Variants in TMEM132A observed in about 807,000 individuals in gnomAD.
TMEM132A encodes GRP78-binding protein.
A neutral mutation model predicts 69.9 loss-of-function variants in TMEM132A; 48 were observed. The ratio of observed to expected loss-of-function variants is 0.69; its 90% confidence interval spans 0.55 to 0.87. TMEM132A has a LOEUF of 0.87. Among genes scored for constraint, TMEM132A ranks in the 40% least tolerant of loss-of-function variants. The pLI is 0.00. For synonymous variants in TMEM132A, 577 were observed against 613.7 expected (o/e 0.94, Z 0.88); for missense variants, 1,287 against 1,407.2 (o/e 0.91, Z 1.37).
At position 60,927,827 on chromosome 11, in the gene TMEM132A, G is replaced by T; in HGVS notation, c.502G>T (p.Ala168Ser). Residue 168 changes from alanine (A) to serine (S), a missense_variant, in exon 3 of 11, where the codon GCC becomes TCC. Coordinates refer to ENST00000453848, the MANE Select transcript of TMEM132A (RefSeq NM_178031.3). ...TGCCCGGCTCCATGCCACACACCCT[G>T]CCGGCACTGCTCACCAAGCCTGCCG... is the stretch of plus-strand genomic sequence containing the variant. ...PCARLHATHP[A>S]GTAHQACRFQ... is the part of the protein sequence containing the mutation. 1.2e-6 allele frequency: 2 copies of T among 1,611,692 alleles called. No individual in the cohort carries two copies. The highest frequency in any genetic ancestry group is 8.5e-7 in the Non-Finnish European group (1 of 1,179,818).
At chr11:60,931,655 A>G in intron 5 of TMEM132A, 34 bp from the exon 6 acceptor site, 2 of 1,577,514 alleles carry the variant, frequency 1.3e-6, no homozygotes, top group South Asian at 1.2e-5. Context: ...GCAGCTAGCA[A>G]GCATTTGGCT....
rs747549663 is a variant in TMEM132A at position 60,933,587 on chromosome 11, C to T, written c.1402C>T (p.Arg468Trp). ...DAVFVAGKES[R>W]GARGVRVDFW... Reference sequence around the variant, plus strand: ...CGTGTTCGTGGCTGGCAAGGAGAGCCGGGGCGCCCGGGGGGTGCGAGTGGA... The same window carrying T: ...CGTGTTCGTGGCTGGCAAGGAGAGCTGGGGCGCCCGGGGGGTGCGAGTGGA... The change falls in exon 8 of 11, where the codon CGG becomes TGG. Residue 468 changes from arginine (R) to tryptophan (W), a missense_variant. Physicochemically the swap from Arg to Trp is moderately radical, Grantham distance 101. Coordinates refer to ENST00000453848, the MANE Select transcript of TMEM132A (RefSeq NM_178031.3). 1.0e-5 allele frequency: 16 copies of T among 1,607,478 alleles called. No individual in the cohort carries two copies. Among genetic ancestry groups the T allele is most frequent in the South Asian group, 2.2e-5 (2 of 90,884 alleles).
At position 60,931,720 on chromosome 11, in the gene TMEM132A, G is replaced by A; in HGVS notation, c.1048G>A (p.Asp350Asn). 3 of 1,614,038 alleles carry A rather than the reference G, an allele frequency of 1.9e-6. No homozygotes were observed. The highest frequency in any genetic ancestry group is 2.5e-6 in the Non-Finnish European group (3 of 1,179,930). Residue 350 changes from aspartate (D) to asparagine (N), a missense_variant, in exon 6 of 11, where the codon GAC becomes AAC. Physicochemically the swap from Asp to Asn is conservative, Grantham distance 23. Coordinates refer to ENST00000453848, the MANE Select transcript of TMEM132A (RefSeq NM_178031.3). ...PLELSEFLWV[D>N]FVVENSTGGG... ...TGAACTGTCTGAGTTCCTATGGGTG[G>A]ACTTTGTGGTGGAGAATAGCACTGG...
At position 60,933,746 on chromosome 11, in the gene TMEM132A, TGAGTGGA is replaced by T; in HGVS notation, c.1559+4_1559+10del. Reference sequence around the variant, plus strand: ...GAGGGTACCTGGCCCTGCTGAAGGGTGAGTGGAGGCCTGAGGAAGCTGGCAGGCCTTG... The same window carrying T: ...GAGGGTACCTGGCCCTGCTGAAGGGTGGCCTGAGGAAGCTGGCAGGCCTTG... On this transcript the variant is annotated splice_donor_5th_base_variant and intron_variant, in intron 8 of 10. Coordinates refer to ENST00000453848, the MANE Select transcript of TMEM132A (RefSeq NM_178031.3). The T allele has an allele frequency of 6.4e-7, 1 of 1,564,814 alleles. No individual in the cohort carries two copies. The highest frequency in any genetic ancestry group is 8.6e-7 in the Non-Finnish European group (1 of 1,156,136).
intron 1 of TMEM132A, chr11:60,925,098 C>T: frequency 5.5e-6 from 1 of 183,092 alleles, no homozygotes; most frequent in Non-Finnish European, 1.1e-5. Flanking sequence ...TAGCGCTGCA[C>T]CCTCCTAGCC....
chr11:60,928,956 C>G lies in TMEM132A; in HGVS notation c.862C>G (p.Leu288Val). 2 of 1,612,152 alleles carry G rather than the reference C, an allele frequency of 1.2e-6. No individual in the cohort carries two copies. Among genetic ancestry groups the G allele is most frequent in the Non-Finnish European group, 1.7e-6 (2 of 1,180,002 alleles). ...CAACTTCACAGCCAGCCTCCTGACC[C>G]TGCGGTGAGCACCAGGCCACGGGGA... ...RHNFTASLLT[L>V]RIKVKKGLHV... Residue 288 changes from leucine to valine, a missense_variant, in exon 4 of 11, where the codon CTG becomes GTG. Coordinates refer to ENST00000453848, the MANE Select transcript of TMEM132A (RefSeq NM_178031.3).
At position 60,927,230 on chromosome 11, in the gene TMEM132A, C is replaced by A; in HGVS notation, c.127C>A (p.Pro43Thr). 1 of 1,613,478 alleles carries A rather than the reference C, an allele frequency of 6.2e-7. No homozygotes were observed. Residue 43 changes from proline to threonine, a missense_variant, in exon 2 of 11, where the codon CCT becomes ACT. Physicochemically the swap from Pro to Thr is conservative, Grantham distance 38. Coordinates refer to ENST00000453848, the MANE Select transcript of TMEM132A (RefSeq NM_178031.3). ...GGACTGTGGCCAGGCTCCCCTGGAC[C>A]CTGTCTACCTGCCGGCAGCCCTGGA... ...RVDCGQAPLD[P>T]VYLPAALELL...
At position 60,936,061 on chromosome 11, in the gene TMEM132A, G is replaced by A. The variant is rs770843068; in HGVS notation, c.2226G>A (p.Leu742=). The A allele has an allele frequency of 6.2e-7, 1 of 1,606,042 alleles. No individual in the cohort carries two copies. Among genetic ancestry groups the A allele is most frequent in the East Asian group, 2.2e-5 (1 of 44,758 alleles). ...GAEGLPLHVA[L]HPPEPCRRGR... ...AGGGGCTGCCGCTGCATGTGGCTCT[G>A]CACCCGCCCGAGCCCTGCCGCCGGG... Residue 742 remains leucine, a synonymous_variant, in exon 11 of 11, where the codon CTG becomes CTA. Coordinates refer to ENST00000453848, the MANE Select transcript of TMEM132A (RefSeq NM_178031.3).
intron 4 of TMEM132A, among the ~76,000 whole-genome samples, chr11:60,929,505 G>A (rs1277431871): frequency 9.9e-5 from 15 of 152,094 alleles, no homozygotes; most frequent in Admixed American, 8.5e-4. Flanking sequence ...CAGTTCACCC[G>A]GCAAGGGCTT....
chr11:60,936,704 G>T lies in TMEM132A; in HGVS notation c.2869G>T (p.Gly957Trp). 6.4e-7 allele frequency: 1 copy of T among 1,572,856 alleles called. No homozygotes were observed. Residue 957 changes from glycine (G) to tryptophan (W), a missense_variant, in exon 11 of 11, where the codon GGG becomes TGG. By Grantham distance (184) the Gly-to-Trp change is radical. Transcript: ENST00000453848. ...SSSTLARKEAGGRRKRVEFVT... is the reference protein window; with the variant it reads ...SSSTLARKEAWGRRKRVEFVT... The stretch of plus-strand genomic sequence containing the variant: ...AAGCACCCTGGCCCGAAAGGAGGCT[G>T]GGGGGCGGCGGAAGCGAGTAGAGTT...
Position 60,930,548 on chromosome 11 carries a change from G to A in TMEM132A, c.905G>A (p.Arg302His), listed in dbSNP as rs538143219. 5.7e-6 allele frequency: 9 copies of A among 1,590,726 alleles called. No individual in the cohort carries two copies. Among genetic ancestry groups the A allele is most frequent in the South Asian group, 3.3e-5 (3 of 90,252 alleles). ...AAGGGGCTGCATGTGACAGCCGCCCGCCCAGCCCAGCCCACACTCTGGACT... is the reference window on the plus strand; with the variant it reads ...AAGGGGCTGCATGTGACAGCCGCCCACCCAGCCCAGCCCACACTCTGGACT... ...VKKGLHVTAA[R>H]PAQPTLWTAK... The change falls in exon 5 of 11, where the codon CGC becomes CAC. Residue 302 changes from arginine to histidine, a missense_variant. Physicochemically the swap from Arg to His is conservative, Grantham distance 29 (BLOSUM62 0). Transcript: ENST00000453848.
In TMEM132A at chr11:60,933,950, C is replaced by T. The variant is rs1856536246; in HGVS notation, c.1559+206C>T. On this transcript the variant is annotated intron_variant, in intron 8 of 10. Transcript: ENST00000453848. ...GACTTCCGCATCCCTCTCCTCCTTC[C>T]CTGCCTCACTTCTCCCGTAGCACCC... The T allele has an allele frequency of 1.2e-5, 7 of 585,800 alleles. No homozygotes were observed. The Admixed American group carries it at 1.8e-4, about 15-fold the overall frequency. 36.3% of individuals were successfully genotyped at this position (585,800 alleles called of 1,614,324 possible).
chr11:60,927,509 C>T, intron 2 of TMEM132A, 91 bp downstream of exon 2: 1 of 1,427,942 alleles, frequency 7.0e-7, no homozygotes. Context: ...CCAGCCCCGG[C>T]TGTGCTCCCC....
In TMEM132A at chr11:60,927,668, C is replaced by T. The variant is rs762654207; in HGVS notation, c.343C>T (p.His115Tyr). Residue 115 changes from histidine (H) to tyrosine (Y), a missense_variant, in exon 3 of 11, where the codon CAC becomes TAC. Coordinates refer to ENST00000453848, the MANE Select transcript of TMEM132A (RefSeq NM_178031.3). ...GGTCCCCCCTCGAGTCACTGAGCCCCACCAACGGCCAGTCCCATGGGACGT... is the reference window on the plus strand; with the variant it reads ...GGTCCCCCCTCGAGTCACTGAGCCCTACCAACGGCCAGTCCCATGGGACGT... ...QVVPPRVTEPHQRPVPWDVRA... is the reference protein window; with the variant it reads ...QVVPPRVTEPYQRPVPWDVRA... 3.3e-5 allele frequency: 54 copies of T among 1,612,718 alleles called. No homozygotes were observed. The highest frequency in any genetic ancestry group is 8.3e-5 in the Admixed American group (5 of 60,002).
At chr11:60,932,242 C>T (rs545097745) in intron 7 of TMEM132A, 115 bp downstream of exon 7, 32 of 1,278,660 alleles carry the variant, frequency 2.5e-5, no homozygotes, top group African/African-American at 2.1e-4. Context: ...CTTCTTGAGA[C>T]GAGAAACCTC....
At chr11:60,934,163 G>T in intron 8 of TMEM132A, 2 of 374,622 alleles carry the variant, frequency 5.3e-6, no homozygotes, top group Non-Finnish European at 9.5e-6. Flanking sequence ...CCAGGGAGAG[G>T]TGGCCCACGC....
In TMEM132A at chr11:60,936,080, C is replaced by T. The variant is rs763603158; in HGVS notation, c.2245C>T (p.Arg749Cys). ...HVALHPPEPCRRGRHRVPLAS... is the reference protein window; with the variant it reads ...HVALHPPEPCCRGRHRVPLAS... ...GGCTCTGCACCCGCCCGAGCCCTGC[C>T]GCCGGGGCCGCCACCGTGTGCCTCT... The change falls in exon 11 of 11, where the codon CGC becomes TGC. Residue 749 changes from arginine to cysteine, a missense_variant. By Grantham distance (180) the Arg-to-Cys change is radical. Transcript: ENST00000453848. 14 of 1,608,522 alleles carry T rather than the reference C, an allele frequency of 8.7e-6. No homozygotes were observed. In the Admixed American group the frequency reaches 1.0e-4, roughly 12 times the overall value.
Position 60,934,341 on chromosome 11 carries a change from A to G in TMEM132A, c.1560-147A>G, listed in dbSNP as rs985078884. 9 of 728,936 alleles carry G rather than the reference A, an allele frequency of 1.2e-5. No homozygotes were observed. In the African/African-American group the frequency reaches 1.5e-4, roughly 12 times the overall value. 45.2% of individuals were successfully genotyped at this position (728,936 alleles called of 1,614,324 possible). The stretch of plus-strand genomic sequence containing the variant: ...CTGCAGGTGGAAGGGCCTGACCCCA[A>G]GAGGGGCGGATGTCTGCGTTTGAGA... On this transcript the variant is annotated intron_variant, in intron 8 of 10. Transcript: ENST00000453848.
intron 3 of TMEM132A, 65 bp downstream of exon 3, chr11:60,927,924 C>A (rs545657824): frequency 5.6e-6 from 8 of 1,428,046 alleles, no homozygotes; most frequent in East Asian, 2.4e-5. Flanking sequence ...GGTGGGCCCG[C>A]GGCAGAGAGG....
Sources: allele counts gnomAD v4.1 joint callset (sites outside exome capture counted in the v4.1 genomes callset), GRCh38; gene constraint gnomAD v4.1.1; transcripts MANE v1.5; gene names NCBI Gene and HGNC (gene_info 2026-07-23, HGNC 2026-07-21).